TRPC5: variants seen among roughly 807,000 people sequenced by gnomAD.
TRPC5 encodes the protein transient receptor potential cation channel subfamily C member 5, also known as short transient receptor potential channel 5.
A neutral mutation model predicts 56.5 loss-of-function variants in TRPC5; 9 were observed. That is an observed-to-expected ratio of 0.16 (90% CI 0.10 to 0.28). The LOEUF (loss-of-function observed/expected upper bound fraction) is 0.28, where lower values mean the gene tolerates loss of function less well. Among genes scored for constraint, TRPC5 ranks in the 10% least tolerant of loss-of-function variants. The probability of loss-of-function intolerance (pLI) is 1.00; values close to 1 mark genes in which losing one functional copy is unlikely to be tolerated. For missense variants in TRPC5, 469 were observed against 748.9 expected (o/e 0.63, Z 4.36); for synonymous variants, 282 against 278.5 (o/e 1.01, Z -0.13).
intron 2 of TRPC5, among the ~76,000 whole-genome samples, chrX:111,944,295 TGTGTGTGTGA>T (rs1226304683): frequency 3.4e-5 from 3 of 87,442 alleles, no homozygotes; most frequent in East Asian, 3.3e-4. Flanking sequence ...TGTGTGTGTG[TGTGTGTGTGA>T]GAGAGAGAGA....
intron 1 of TRPC5, among the ~76,000 whole-genome samples, chrX:111,961,682 T>C (rs1025231512): frequency 3.6e-5 from 4 of 112,273 alleles, no homozygotes; most frequent in East Asian, 2.8e-4. Flanking sequence ...GATCTTCACA[T>C]ATATCCAGGT....
chrX:112,029,788 A>G (rs1306507562), intron 1 of TRPC5, among the ~76,000 whole-genome samples: 1 of 111,195 alleles, frequency 9.0e-6, no homozygotes, highest in Non-Finnish European at 1.9e-5. Flanking sequence ...CAAAATTAGA[A>G]GAAAGGTAGA....
At chrX:111,808,905 C>T (rs1321366869) in intron 7 of TRPC5, among the ~76,000 whole-genome samples, 2 of 109,831 alleles carry the variant, frequency 1.8e-5, no homozygotes, top group South Asian at 3.9e-4. Flanking sequence ...TTCAAAGCAG[C>T]AGGTTCTCTT....
chrX:112,025,977 G>C (rs1929402145), intron 1 of TRPC5, among the ~76,000 whole-genome samples: 1 of 111,817 alleles, frequency 8.9e-6, no homozygotes, highest in African/African-American at 3.3e-5. Context: ...TGTCTCACCT[G>C]ACACAAACAC....
At chrX:112,063,577 G>A (rs1272080788) in intron 1 of TRPC5, among the ~76,000 whole-genome samples, 3 of 111,618 alleles carry the variant, frequency 2.7e-5, no homozygotes, top group South Asian at 7.6e-4. Flanking sequence ...TTTAAATAAA[G>A]GAGCACTTTC....
intron 10 of TRPC5, 99 bp from the exon 11 acceptor site, chrX:111,777,101 T>A (rs979009614): frequency 1.5e-6 from 1 of 646,130 alleles, no homozygotes; most frequent in Non-Finnish European, 2.2e-6. Flanking sequence ...TTTTGCCTAG[T>A]AGCAAATCAC....
intron 7 of TRPC5, among the ~76,000 whole-genome samples, chrX:111,810,284 A>G (rs900500217): frequency 6.3e-5 from 7 of 111,082 alleles, no homozygotes; most frequent in Admixed American, 1.9e-4. Flanking sequence ...AGGACTGCAT[A>G]AGGACTCAAA....
chrX:111,922,708 T>A (rs777101775), intron 2 of TRPC5, among the ~76,000 whole-genome samples: 10 of 111,984 alleles, frequency 8.9e-5, no homozygotes, highest in Non-Finnish European at 1.9e-4. Context: ...TGCTGGATGA[T>A]CTCAGCTTTC....
intron 1 of TRPC5, among the ~76,000 whole-genome samples, chrX:112,029,890 C>T (rs188265428): frequency 2.1e-4 from 23 of 109,051 alleles, no homozygotes; most frequent in Admixed American, 6.8e-4. Context: ...TGCAATGGCG[C>T]GATCTCGACT....
chrX:111,851,041 T>G (rs1251847986), intron 5 of TRPC5, among the ~76,000 whole-genome samples: 3 of 111,964 alleles, frequency 2.7e-5, no homozygotes, highest in African/African-American at 9.7e-5. Flanking sequence ...ATTCAAACAT[T>G]TTCCTCACCA....
chrX:112,050,990 G>A (rs779471493), intron 1 of TRPC5, among the ~76,000 whole-genome samples: 1 of 112,347 alleles, frequency 8.9e-6, no homozygotes, highest in Non-Finnish European at 1.9e-5. Context: ...CACCCCCAAC[G>A]TGTATACCCG....
intron 1 of TRPC5, among the ~76,000 whole-genome samples, chrX:112,009,741 C>A (rs895964886): frequency 2.7e-5 from 3 of 111,199 alleles, no homozygotes; most frequent in Non-Finnish European, 5.7e-5. Context: ...CCCTCTGCCT[C>A]TACCTATCCC....
At chrX:111,887,129 T>G (rs1007315523) in intron 3 of TRPC5, among the ~76,000 whole-genome samples, 4 of 112,590 alleles carry the variant, frequency 3.6e-5, no homozygotes, top group Non-Finnish European at 7.5e-5. Flanking sequence ...GGGATATATG[T>G]TATGTTGCAG....
chrX:111,862,409 T>A (rs1323556116), intron 3 of TRPC5, among the ~76,000 whole-genome samples: 1 of 112,048 alleles, frequency 8.9e-6, no homozygotes, highest in Non-Finnish European at 1.9e-5. Flanking sequence ...AATACTTCTA[T>A]GTATTTTATA....
intron 1 of TRPC5, among the ~76,000 whole-genome samples, chrX:112,005,364 A>C (rs1466597352): frequency 2.8e-5 from 3 of 108,253 alleles, no homozygotes; most frequent in Non-Finnish European, 3.8e-5. Context: ...ACTAGGCCTA[A>C]TACCTGGGTG....
rs982758850 is a variant in TRPC5 at position 112,062,213 on chromosome X, A to G, written c.-22+19666T>C. Among the ~76,000 whole-genome samples, 6 of 112,108 alleles carry G rather than the reference A, an allele frequency of 5.4e-5. No individual in the cohort carries two copies. In the Admixed American group the frequency reaches 5.7e-4, roughly 11 times the overall value. On this transcript the variant is annotated intron_variant, in intron 1 of 10. Transcript: ENST00000262839. ...TGACTGGAAATATGCTGTTATAAAA[A>G]TAATTAAAATACATTTCCTTCCTAC... is the stretch of plus-strand genomic sequence containing the variant.
intron 2 of TRPC5, among the ~76,000 whole-genome samples, chrX:111,949,891 A>G (rs768288837): frequency 8.9e-6 from 1 of 112,083 alleles, no homozygotes; most frequent in Non-Finnish European, 1.9e-5. Flanking sequence ...AGATAATTGC[A>G]CACACATATT....
chrX:112,037,102 A>AT (rs1431033493), intron 1 of TRPC5, among the ~76,000 whole-genome samples: 2 of 111,703 alleles, frequency 1.8e-5, no homozygotes, highest in Non-Finnish European at 3.8e-5. Flanking sequence ...TCCTTGGGTC[A>AT]TTTTTTCTTC....
chrX:112,066,758 G>A (rs145582230), intron 1 of TRPC5, among the ~76,000 whole-genome samples: 1,407 of 112,380 alleles, frequency 0.013, 14 homozygotes, highest in African/African-American at 0.043. Flanking sequence ...TATGCCAAGT[G>A]TTTAATAAAA....
Sources: allele counts gnomAD v4.1 joint callset (sites outside exome capture counted in the v4.1 genomes callset), GRCh38; gene constraint gnomAD v4.1.1; transcripts MANE v1.5; gene names NCBI Gene and HGNC (gene_info 2026-07-23, HGNC 2026-07-21).